Variants in SERPINB12 observed in about 807,000 individuals in gnomAD.
SERPINB12 encodes the protein serpin family B member 12.
In SERPINB12, 57 loss-of-function variants were observed where a neutral mutation model predicts 41.1. The ratio of observed to expected loss-of-function variants is 1.39; its 90% confidence interval spans 1.12 to 1.73. The LOEUF is 1.73. Ranked by LOEUF, SERPINB12 falls within the 40% of genes most tolerant of loss-of-function variation. SERPINB12 has a pLI of 0.00. For synonymous variants in SERPINB12, 180 were observed against 181.3 expected (o/e 0.99, Z 0.06); for missense variants, 536 against 501.9 (o/e 1.07, Z -0.65).
At chr18:63,555,966 T>C (rs1910658747) in intron 1 of SERPINB12, among the ~76,000 whole-genome samples, 176 bp from the exon 2 acceptor site, 1 of 152,212 alleles carries the variant, frequency 6.6e-6, no homozygotes, top group Non-Finnish European at 1.5e-5. Flanking sequence ...TCTCTGTCTA[T>C]CAATATCAAC....
In SERPINB12 at chr18:63,568,175, G is replaced by T. The variant is rs1022965964; in HGVS notation, c.*1164G>T. Among the ~76,000 whole-genome samples the T allele has an allele frequency of 6.6e-6, 1 of 152,188 alleles. No homozygotes were observed. The highest frequency in any genetic ancestry group is 1.5e-5 in the Non-Finnish European group (1 of 68,030). ...TCAGGTGGATCACTTGAGTCCAGGA[G>T]TTCGAGACCAGCCTGGGCAACATAT... is the stretch of plus-strand genomic sequence containing the variant. On this transcript the variant is annotated 3_prime_UTR_variant, in exon 8 of 8. Transcript: ENST00000382768.
chr18:63,565,037 A>T (rs1911046532), intron 6 of SERPINB12, among the ~76,000 whole-genome samples: 1 of 152,110 alleles, frequency 6.6e-6, no homozygotes, highest in Admixed American at 6.5e-5. Context: ...AATAAAAAAA[A>T]TTAGCCAGGT....
At chr18:63,534,962 A>G in the SERPINB12 span, among the ~76,000 whole-genome samples, 3 of 152,216 alleles carry the variant, frequency 2.0e-5, no homozygotes, top group Non-Finnish European at 4.4e-5. Context: ...TGAGCAGAGT[A>G]AATGTCTCAA....
At chr18:63,544,826 ACTGT>A (rs1316416717) in intron 1 of SERPINB12, among the ~76,000 whole-genome samples, 1 of 152,172 alleles carries the variant, frequency 6.6e-6, no homozygotes, top group Admixed American at 6.5e-5. Flanking sequence ...CATCAGGAAA[ACTGT>A]CTGCTTTAGA....
chr18:63,546,402 G>A lies in SERPINB12; in HGVS notation c.-19+3910G>A, dbSNP rs575222294. ...AACATGCTTTGGCTAAGTTTAAAAAGTTTTGTGTTTTCAGTTGTAAAATAT... is the reference window on the plus strand; with the variant it reads ...AACATGCTTTGGCTAAGTTTAAAAAATTTTGTGTTTTCAGTTGTAAAATAT... On this transcript the variant is annotated intron_variant, in intron 1 of 7. Transcript: ENST00000382768. 2.6e-5 allele frequency among the ~76,000 whole-genome samples: 4 copies of A among 152,260 alleles called. 1 individual carries two copies. The highest frequency in any genetic ancestry group is 9.6e-5 in the African/African-American group (4 of 41,578).
At chr18:63,522,455 A>G in the SERPINB12 span, among the ~76,000 whole-genome samples, 1 of 152,242 alleles carries the variant, frequency 6.6e-6, no homozygotes, top group African/African-American at 2.4e-5. Context: ...TGCAAGCTGT[A>G]GATAAAGAGA....
chr18:63,549,131 C>T (rs1008416917), intron 1 of SERPINB12, among the ~76,000 whole-genome samples: 1 of 151,962 alleles, frequency 6.6e-6, no homozygotes, highest in Non-Finnish European at 1.5e-5. Context: ...ACTTAAGATG[C>T]AATTTGAAGT....
At chr18:63,528,422 A>G in the SERPINB12 span, among the ~76,000 whole-genome samples, 1 of 151,684 alleles carries the variant, frequency 6.6e-6, no homozygotes, top group Admixed American at 6.6e-5. Flanking sequence ...AAATAAATAA[A>G]TAAATCCTAT....
chr18:63,540,333 T>G (rs987576170), upstream of SERPINB12, among the ~76,000 whole-genome samples: 1 of 152,144 alleles, frequency 6.6e-6, no homozygotes, highest in Non-Finnish European at 1.5e-5. Context: ...GGAGTACAAT[T>G]CAACACGATG....
At chr18:63,560,950 G>A in intron 4 of SERPINB12, 135 bp from the exon 5 acceptor site, 1 of 669,706 alleles carries the variant, frequency 1.5e-6, no homozygotes, top group South Asian at 1.9e-5. Context: ...GCTAGAAACT[G>A]TCAGGCCTGT....
chr18:63,541,204 C>T (rs1910266304), upstream of SERPINB12, among the ~76,000 whole-genome samples: 1 of 152,144 alleles, frequency 6.6e-6, no homozygotes, highest in Non-Finnish European at 1.5e-5. Flanking sequence ...TTGCAAGTTG[C>T]ATGCCACTCG....
intron 1 of SERPINB12, among the ~76,000 whole-genome samples, chr18:63,550,919 A>G (rs1049812787): frequency 6.6e-6 from 1 of 152,142 alleles, no homozygotes; most frequent in Non-Finnish European, 1.5e-5. Context: ...GTTGACCTCT[A>G]AAACTGCAGA....
In SERPINB12 at chr18:63,556,152, G is replaced by A. The variant is rs756452833; in HGVS notation, c.-8G>A. On this transcript the variant is annotated 5_prime_UTR_variant, in exon 2 of 8. Transcript: ENST00000382768. ...TTTTTTTGGTTTTAGATCGTTATAA[G>A]TTTTACAATGGACTCTCTTGTTACA... 6.2e-7 allele frequency: 1 copy of A among 1,610,974 alleles called. No homozygotes were observed. The highest frequency in any genetic ancestry group is 8.5e-7 in the Non-Finnish European group (1 of 1,177,998).
upstream of SERPINB12, among the ~76,000 whole-genome samples, chr18:63,538,511 T>C (rs935631918): frequency 2.0e-5 from 3 of 152,208 alleles, no homozygotes; most frequent in Non-Finnish European, 2.9e-5. Flanking sequence ...TGTTGTAGCA[T>C]GTATTAATAC....
At chr18:63,528,231 T>C in the SERPINB12 span, among the ~76,000 whole-genome samples, 1 of 152,120 alleles carries the variant, frequency 6.6e-6, no homozygotes, top group Non-Finnish European at 1.5e-5. Context: ...TTGAATGATC[T>C]GTTTAATAGC....
upstream of SERPINB12, among the ~76,000 whole-genome samples, chr18:63,542,002 T>G (rs1304288947): frequency 6.6e-6 from 1 of 152,210 alleles, no homozygotes; most frequent in Non-Finnish European, 1.5e-5. Flanking sequence ...TGGTGTGCAT[T>G]GGGATAGGCG....
At chr18:63,539,201 C>A (rs1242890912), upstream of SERPINB12, among the ~76,000 whole-genome samples, 1 of 152,124 alleles carries the variant, frequency 6.6e-6, no homozygotes, top group African/African-American at 2.4e-5. Flanking sequence ...TCACTGGCAA[C>A]CATAGCCAAG....
chr18:63,556,350 C>T, intron 2 of SERPINB12, 23 bp downstream of exon 2: 2 of 1,607,246 alleles, frequency 1.2e-6, no homozygotes, highest in Non-Finnish European at 1.7e-6. Flanking sequence ...TAGGGTGCTA[C>T]ACAGGGTCCT....
chr18:63,525,543 ACTT>A, the SERPINB12 span, among the ~76,000 whole-genome samples: 2 of 152,166 alleles, frequency 1.3e-5, no homozygotes. Context: ...ACAAACTTGT[ACTT>A]GTGTTCAGCA....
Sources: allele counts gnomAD v4.1 joint callset (sites outside exome capture counted in the v4.1 genomes callset), GRCh38; gene constraint gnomAD v4.1.1; transcripts MANE v1.5; gene names NCBI Gene and HGNC (gene_info 2026-07-23, HGNC 2026-07-21).